CTSC: variants seen among roughly 807,000 people sequenced by gnomAD.
CTSC encodes the protein dipeptidyl peptidase 1.
Under a neutral mutation model 40.9 loss-of-function variants are expected in CTSC, and 37 were observed. The observed-to-expected ratio is 0.91, with a 90% confidence interval of 0.70 to 1.19. The LOEUF is 1.19. Among genes scored for constraint, CTSC ranks in the 50% most tolerant of loss-of-function variants. The pLI is 0.00. For synonymous variants in CTSC, 232 were observed against 207.4 expected (o/e 1.12, Z -1.02); for missense variants, 594 against 567.3 (o/e 1.05, Z -0.48).
intron 2 of CTSC, among the ~76,000 whole-genome samples, chr11:88,329,996 TTG>T (rs1938306206): frequency 6.6e-6 from 1 of 152,204 alleles, no homozygotes; most frequent in Non-Finnish European, 1.5e-5. Flanking sequence ...CTAGCCTGCA[TTG>T]TGTTTTTATA....
At chr11:88,305,655 A>T (rs217123) in intron 4 of CTSC, among the ~76,000 whole-genome samples, 111,636 of 152,134 alleles carry the variant, frequency 0.73, 41,174 homozygotes, top group South Asian at 0.8. Flanking sequence ...CTAATTTATA[A>T]ACAAAAATGC....
At chr11:88,319,542 T>G (rs929777362) in intron 2 of CTSC, among the ~76,000 whole-genome samples, 6 of 152,088 alleles carry the variant, frequency 3.9e-5, no homozygotes, top group African/African-American at 1.4e-4. Context: ...GTCATGAAAA[T>G]TATCAGTAAC....
chr11:88,326,968 GT>G (rs1369116032), intron 2 of CTSC, among the ~76,000 whole-genome samples: 1 of 151,302 alleles, frequency 6.6e-6, no homozygotes, highest in Non-Finnish European at 1.5e-5. Context: ...CTTATTTTTC[GT>G]GGAAAAAAAA....
intron 4 of CTSC, among the ~76,000 whole-genome samples, chr11:88,306,613 G>A (rs186812813): frequency 2.0e-5 from 3 of 152,302 alleles, no homozygotes; most frequent in East Asian, 3.9e-4. Flanking sequence ...GTGGACTCCA[G>A]GGGAAGAACA....
intron 2 of CTSC, chr11:88,325,328 AGTAGCC>A (rs1315522904): frequency 3.0e-6 from 3 of 985,448 alleles, no homozygotes; most frequent in Non-Finnish European, 3.6e-6. Context: ...CAAGAAAGTC[AGTAGCC>A]TAATAGCTAA....
chr11:88,304,635 G>A (rs1191390508), intron 4 of CTSC, among the ~76,000 whole-genome samples: 1 of 152,172 alleles, frequency 6.6e-6, no homozygotes, highest in Non-Finnish European at 1.5e-5. Flanking sequence ...CTAAGTCATA[G>A]AATGAGATAG....
intron 2 of CTSC, chr11:88,320,901 A>G: frequency 3.3e-6 from 3 of 899,274 alleles, no homozygotes; most frequent in Non-Finnish European, 4.0e-6. Context: ...TCAAATGGTT[A>G]GTAAGATGGA....
chr11:88,310,080 C>T (rs1041966244), intron 3 of CTSC, among the ~76,000 whole-genome samples: 3 of 152,022 alleles, frequency 2.0e-5, no homozygotes, highest in Non-Finnish European at 4.4e-5. Flanking sequence ...ACTTGTTACT[C>T]AGAATTTAGT....
intron 2 of CTSC, among the ~76,000 whole-genome samples, chr11:88,332,832 G>T (rs1170237699): frequency 6.6e-6 from 1 of 152,178 alleles, no homozygotes; most frequent in Non-Finnish European, 1.5e-5. Context: ...CCTAATGAAA[G>T]AATAAGGATT....
intron 5 of CTSC, 95 bp downstream of exon 5, chr11:88,300,435 T>C: frequency 2.6e-6 from 2 of 771,794 alleles, no homozygotes; most frequent in Non-Finnish European, 2.3e-6. Flanking sequence ...ATCATGCCCA[T>C]TCCATCTAGG....
At position 88,296,281 on chromosome 11, in the gene CTSC, G is replaced by A. The variant is rs1182990433; in HGVS notation, c.758-17C>T. The A allele has an allele frequency of 1.5e-5, 25 of 1,613,010 alleles. No individual in the cohort carries two copies. The highest frequency in any genetic ancestry group is 2.7e-5 in the African/African-American group (2 of 74,870). On this transcript the variant is annotated splice_polypyrimidine_tract_variant and intron_variant, in intron 5 of 6. Transcript: ENST00000227266. Reference sequence around the variant, plus strand: ...CACAGGATGCTGGCGATGAAAAAAAGACACATAATCCAAGAGACATCTGAA... The same window carrying A: ...CACAGGATGCTGGCGATGAAAAAAAAACACATAATCCAAGAGACATCTGAA...
intron 4 of CTSC, among the ~76,000 whole-genome samples, chr11:88,305,095 C>CAA (rs397727219): frequency 0.11 from 16,308 of 146,552 alleles, 938 homozygotes; most frequent in South Asian, 0.19. Flanking sequence ...GAGACTCTGT[C>CAA]AAAAAAAAAA....
At chr11:88,316,791 G>T (rs960171671) in intron 2 of CTSC, among the ~76,000 whole-genome samples, 2 of 152,152 alleles carry the variant, frequency 1.3e-5, no homozygotes, top group African/African-American at 4.8e-5. Context: ...ATTAACAGAG[G>T]TGTGGTGATG....
intron 2 of CTSC, chr11:88,328,196 C>G (rs1938245347): frequency 6.2e-7 from 1 of 1,606,144 alleles, no homozygotes. Context: ...TCAGTGACAT[C>G]CTACAAAGAG....
chr11:88,295,045 T>C (rs556499974), intron 6 of CTSC, among the ~76,000 whole-genome samples: 1 of 152,346 alleles, frequency 6.6e-6, no homozygotes, highest in East Asian at 1.9e-4. Flanking sequence ...ATTATAACTC[T>C]GTACTTTTTC....
intron 1 of CTSC, among the ~76,000 whole-genome samples, chr11:88,337,198 T>C (rs925991727): frequency 1.3e-5 from 2 of 152,296 alleles, no homozygotes; most frequent in South Asian, 2.1e-4. Flanking sequence ...AACCAAACGA[T>C]TGCAGTTCCC....
intron 2 of CTSC, chr11:88,322,853 G>C (rs916193308): frequency 1.3e-5 from 2 of 152,190 alleles, no homozygotes; most frequent in African/African-American, 2.4e-5. Flanking sequence ...AAGAGGAGCT[G>C]ATACCCTTTC....
At chr11:88,315,275 CT>C in intron 2 of CTSC, among the ~76,000 whole-genome samples, 1 of 152,146 alleles carries the variant, frequency 6.6e-6, no homozygotes, top group South Asian at 2.1e-4. Context: ...TTAAGAGCTA[CT>C]TTATAGATAT....
At chr11:88,326,160 T>C (rs1481077162) in intron 2 of CTSC, 4 of 1,308,786 alleles carry the variant, frequency 3.1e-6, no homozygotes, top group Non-Finnish European at 2.9e-6. Context: ...AGAATTTTTT[T>C]TTCCTTTCTC....
Sources: gnomAD v4.1 joint callset for allele counts (sites outside exome capture counted in the v4.1 genomes callset) on GRCh38, gnomAD v4.1.1 for gene constraint, MANE v1.5 for transcripts, NCBI Gene and HGNC (gene_info 2026-07-23, HGNC 2026-07-21) for gene names.